CA10: variants seen among roughly 807,000 people sequenced by gnomAD.
CA10 encodes carbonic anhydrase 10 (inactive), also known as carbonic anhydrase-related protein 10.
In CA10, 14 loss-of-function variants were observed where a neutral mutation model predicts 44.2. That is an observed-to-expected ratio of 0.32 (90% CI 0.21 to 0.50). CA10 has a LOEUF of 0.50. Among genes scored for constraint, CA10 ranks in the 20% least tolerant of loss-of-function variants. CA10 has a pLI of 0.99. For synonymous variants in CA10, 159 were observed against 141.6 expected (o/e 1.12, Z -0.87); for missense variants, 350 against 409.7 (o/e 0.85, Z 1.26).
At chr17:52,078,776 G>A (rs1987884767) in intron 1 of CA10, among the ~76,000 whole-genome samples, 1 of 152,206 alleles carries the variant, frequency 6.6e-6, no homozygotes, top group Admixed American at 6.5e-5. Flanking sequence ...GCCCCATTGA[G>A]CTGCATGGCA....
chr17:51,660,627 C>G (rs188611798), intron 4 of CA10, among the ~76,000 whole-genome samples: 1 of 152,276 alleles, frequency 6.6e-6, no homozygotes, highest in East Asian at 1.9e-4. Flanking sequence ...CCTTAGATCA[C>G]CTTTCTCAGC....
rs574723076 is a variant in CA10 at position 51,902,313 on chromosome 17, G to C, written c.279+28677C>G. On this transcript the variant is annotated intron_variant, in intron 3 of 8. Coordinates refer to ENST00000451037, the MANE Select transcript of CA10 (RefSeq NM_020178.5). ...CAAAAGAGAAACATGGTTATAGATT[G>C]CTCAGAGATAGAAAGATGTCTCTGA... Among the ~76,000 whole-genome samples, 7 of 152,270 alleles carry C rather than the reference G, an allele frequency of 4.6e-5. No homozygotes were observed. In the South Asian group the frequency reaches 1.5e-3, roughly 32 times the overall value.
chr17:52,137,436 C>T (rs1989384093), intron 1 of CA10, among the ~76,000 whole-genome samples: 1 of 152,148 alleles, frequency 6.6e-6, no homozygotes, highest in African/African-American at 2.4e-5. Context: ...TGCTTTTATG[C>T]ATAAATTGTT....
At chr17:51,862,647 A>G (rs962079324) in intron 3 of CA10, among the ~76,000 whole-genome samples, 3 of 152,230 alleles carry the variant, frequency 2.0e-5, no homozygotes, top group African/African-American at 7.2e-5. Flanking sequence ...TGGTTTAAAC[A>G]ACAGAAATTT....
At chr17:52,156,843 G>A (rs925418739) in intron 1 of CA10, among the ~76,000 whole-genome samples, 1 of 152,142 alleles carries the variant, frequency 6.6e-6, no homozygotes, top group African/African-American at 2.4e-5. Context: ...TCAATGGGAG[G>A]AGCCACTGAA....
chr17:51,667,826 A>G (rs909749343), intron 4 of CA10, among the ~76,000 whole-genome samples: 1 of 152,146 alleles, frequency 6.6e-6, no homozygotes, highest in Non-Finnish European at 1.5e-5. Context: ...TAAGCTTCCA[A>G]AATATGCTCT....
intron 3 of CA10, among the ~76,000 whole-genome samples, chr17:51,794,380 T>C (rs1209163697): frequency 6.6e-6 from 1 of 152,152 alleles, no homozygotes; most frequent in Non-Finnish European, 1.5e-5. Context: ...TGGTTGAAGG[T>C]CATATAGCTA....
intron 6 of CA10, among the ~76,000 whole-genome samples, chr17:51,637,477 C>G (rs1191751974): frequency 1.3e-5 from 2 of 152,208 alleles, no homozygotes; most frequent in African/African-American, 4.8e-5. Flanking sequence ...GGCAGGGTCC[C>G]AAAGCCTGGC....
chr17:51,820,186 C>CG (rs1491282325), intron 3 of CA10, among the ~76,000 whole-genome samples: 13 of 8,994 alleles, frequency 1.4e-3, no homozygotes, highest in African/African-American at 2.4e-3. Context: ...CTGAGCGCCG[C>CG]CCCCCCCCCC....
intron 3 of CA10, among the ~76,000 whole-genome samples, chr17:51,897,648 C>T (rs1198367210): frequency 1.3e-5 from 2 of 152,042 alleles, no homozygotes; most frequent in African/African-American, 4.8e-5. Context: ...CTATAAATTG[C>T]TCTGGGCATT....
At chr17:51,804,877 C>T (rs1011567063) in intron 3 of CA10, among the ~76,000 whole-genome samples, 15 of 152,182 alleles carry the variant, frequency 9.9e-5, no homozygotes, top group African/African-American at 3.4e-4. Flanking sequence ...TTCTTTAACC[C>T]TCTTTTTGCC....
intron 2 of CA10, among the ~76,000 whole-genome samples, chr17:52,059,611 T>C (rs1184390035): frequency 1.3e-5 from 2 of 151,968 alleles, no homozygotes; most frequent in Admixed American, 1.3e-4. Flanking sequence ...ACATGGCACA[T>C]GTATACATAT....
At chr17:52,045,959 C>T (rs1183839506) in intron 2 of CA10, among the ~76,000 whole-genome samples, 4 of 151,848 alleles carry the variant, frequency 2.6e-5, no homozygotes, top group Admixed American at 2.6e-4. Context: ...ATATTTGGCA[C>T]TCAACTAGTG....
At chr17:52,029,249 T>A (rs1167949534) in intron 2 of CA10, among the ~76,000 whole-genome samples, 2 of 152,158 alleles carry the variant, frequency 1.3e-5, no homozygotes, top group African/African-American at 4.8e-5. Flanking sequence ...GGACCCCCTC[T>A]TGCCTGATTT....
intron 4 of CA10, among the ~76,000 whole-genome samples, chr17:51,682,087 G>A (rs1487789949): frequency 2.6e-5 from 4 of 152,162 alleles, no homozygotes; most frequent in Non-Finnish European, 5.9e-5. Flanking sequence ...TTCGATCCTG[G>A]GGACAGATAG....
chr17:51,910,386 T>C (rs542846479), intron 3 of CA10, among the ~76,000 whole-genome samples: 1 of 152,296 alleles, frequency 6.6e-6, no homozygotes, highest in South Asian at 2.1e-4. Flanking sequence ...CTGTTCCTGA[T>C]GGTGCACAGC....
chr17:52,100,229 G>A (rs1000996783), intron 1 of CA10, among the ~76,000 whole-genome samples: 2 of 152,166 alleles, frequency 1.3e-5, no homozygotes, highest in Non-Finnish European at 2.9e-5. Context: ...CCTTGAGAAG[G>A]TGAAAAGGAC....
Position 51,961,617 on chromosome 17 carries a change from A to G in CA10, c.137-30485T>C, listed in dbSNP as rs73348632. Among the ~76,000 whole-genome samples the G allele has an allele frequency of 6.5e-3, 990 of 152,350 alleles. 14 individuals carry two copies. The highest frequency in any genetic ancestry group is 0.023 in the African/African-American group (940 of 41,582). ...ATTACTATTAGACATGAAAGAAGAC[A>G]TAATACTACAGACCTCACAGGCATT... On this transcript the variant is annotated intron_variant, in intron 2 of 8. Coordinates refer to ENST00000451037, the MANE Select transcript of CA10 (RefSeq NM_020178.5).
At chr17:52,080,369 A>G (rs552294327) in intron 1 of CA10, among the ~76,000 whole-genome samples, 147 of 151,786 alleles carry the variant, frequency 9.7e-4, no homozygotes, top group African/African-American at 2.4e-3. Flanking sequence ...GGAGAATGGC[A>G]TGAACCAGGG....
Sources: gnomAD v4.1 joint callset for allele counts (sites outside exome capture counted in the v4.1 genomes callset) on GRCh38, gnomAD v4.1.1 for gene constraint, MANE v1.5 for transcripts, NCBI Gene and HGNC (gene_info 2026-07-23, HGNC 2026-07-21) for gene names.